The following AQP9 variants were observed in gnomAD, a reference collection of about 807,000 sequenced individuals.
AQP9 encodes aquaporin-9.
Under a neutral mutation model 23.8 loss-of-function variants are expected in AQP9, and 19 were observed. That is an observed-to-expected ratio of 0.80 (90% CI 0.56 to 1.17). The LOEUF (loss-of-function observed/expected upper bound fraction) is 1.17, where lower values mean the gene tolerates loss of function less well. Ranked by LOEUF, AQP9 falls within the 50% of genes most tolerant of loss-of-function variation. The probability of loss-of-function intolerance (pLI) is 0.00; values close to 1 mark genes in which losing one functional copy is unlikely to be tolerated. For missense variants in AQP9, 413 were observed against 362.0 expected (o/e 1.14, Z -1.14); for synonymous variants, 153 against 131.5 (o/e 1.16, Z -1.12).
chr15:58,167,736 T>G (rs912322003), intron 2 of AQP9, among the ~76,000 whole-genome samples: 1 of 152,002 alleles, frequency 6.6e-6, no homozygotes, highest in African/African-American at 2.4e-5. Flanking sequence ...TTGGTTTTGT[T>G]TTTTTTTAGG....
intron 1 of AQP9, among the ~76,000 whole-genome samples, chr15:58,161,809 A>G (rs1236636998): frequency 1.3e-5 from 2 of 152,208 alleles, no homozygotes; most frequent in African/African-American, 4.8e-5. Flanking sequence ...TTTATCAAAA[A>G]GCCATATGAT....
Position 58,185,407 on chromosome 15 carries a change from A to G in AQP9, c.*1272A>G, listed in dbSNP as rs1375831101. ...AATGTTCCTCAATCTTAAGATACAA[A>G]GACCCTCATTGTCTGGGTCTATTCC... On this transcript the variant is annotated 3_prime_UTR_variant, in exon 6 of 6. Coordinates refer to ENST00000219919, the MANE Select transcript of AQP9 (RefSeq NM_020980.5). The G allele has an allele frequency of 3.3e-5, 5 of 152,688 alleles. No individual in the cohort carries two copies. Among genetic ancestry groups the G allele is most frequent in the African/African-American group, 1.2e-4 (5 of 41,466 alleles). The allele number at this position is 152,688 out of a possible 1,614,324, so 9.5% of individuals were successfully genotyped here. A position where few individuals can be genotyped will look rare whatever the true frequency, so the allele number is the denominator to read the frequency against.
At chr15:58,167,610 A>C (rs1203761751) in intron 2 of AQP9, among the ~76,000 whole-genome samples, 1 of 152,208 alleles carries the variant, frequency 6.6e-6, no homozygotes, top group Non-Finnish European at 1.5e-5. Context: ...GGGAGTCAGT[A>C]AATAAGTGGA....
chr15:58,163,128 T>G (rs1021633703), intron 1 of AQP9, among the ~76,000 whole-genome samples: 1 of 152,120 alleles, frequency 6.6e-6, no homozygotes, highest in Non-Finnish European at 1.5e-5. Flanking sequence ...GTGAAGCTAT[T>G]GAGAGAACAT....
At position 58,179,184 on chromosome 15, in the gene AQP9, C is replaced by T. The variant is rs1319918129; in HGVS notation, c.552C>T (p.Asn184=). The stretch of plus-strand genomic sequence containing the variant: ...TCTTTGCCATCTTTGACTCCAGAAA[C>T]TTGGGAGCCCCCAGAGGCCTAGAGC... The part of the protein sequence containing the change: ...IIVFAIFDSR[N]LGAPRGLEPI... The change falls in exon 5 of 6, where the codon AAC becomes AAT. Residue 184 remains asparagine (N), a synonymous_variant. Coordinates refer to ENST00000219919, the MANE Select transcript of AQP9 (RefSeq NM_020980.5). 1.2e-6 allele frequency: 2 copies of T among 1,613,986 alleles called. No individual in the cohort carries two copies. The highest frequency in any genetic ancestry group is 2.2e-5 in the East Asian group (1 of 44,882).
intron 1 of AQP9, chr15:58,154,386 C>T (rs2140598840): frequency 6.6e-6 from 1 of 152,212 alleles, no homozygotes; most frequent in Non-Finnish European, 1.5e-5. Flanking sequence ...TAACTCTAAT[C>T]TTAATTACCT....
chr15:58,155,480 AC>A (rs1333679712), intron 1 of AQP9: 6 of 152,034 alleles, frequency 3.9e-5, no homozygotes, highest in African/African-American at 1.4e-4. Context: ...AGACAAAGCC[AC>A]CCTTACACGA....
intron 1 of AQP9, among the ~76,000 whole-genome samples, chr15:58,162,911 A>T (rs1008297782): frequency 6.6e-6 from 1 of 152,228 alleles, no homozygotes; most frequent in African/African-American, 2.4e-5. Flanking sequence ...ATTCATAATC[A>T]AAATAAATGC....
chr15:58,167,729 G>A (rs1339569406), intron 2 of AQP9, among the ~76,000 whole-genome samples: 1 of 151,014 alleles, frequency 6.6e-6, no homozygotes, highest in Admixed American at 6.6e-5. Flanking sequence ...TTTTTGTTTG[G>A]TTTTGTTTTT....
intron 5 of AQP9, among the ~76,000 whole-genome samples, chr15:58,181,522 G>T (rs185442929): frequency 1.3e-5 from 2 of 152,240 alleles, no homozygotes; most frequent in East Asian, 3.9e-4. Context: ...CAACAGAGGG[G>T]TTATCTCAGG....
At chr15:58,156,396 G>A (rs1328442115) in intron 1 of AQP9, among the ~76,000 whole-genome samples, 4 of 151,938 alleles carry the variant, frequency 2.6e-5, no homozygotes, top group Non-Finnish European at 4.4e-5. Flanking sequence ...ATATAACCAC[G>A]TATTAACAAT....
intron 2 of AQP9, among the ~76,000 whole-genome samples, chr15:58,167,164 G>C (rs1360154483): frequency 6.6e-6 from 1 of 152,146 alleles, no homozygotes; most frequent in Non-Finnish European, 1.5e-5. Flanking sequence ...CTCCAACAGA[G>C]GCAAGTCCTG....
chr15:58,156,774 G>A (rs1241705430), intron 1 of AQP9, among the ~76,000 whole-genome samples: 1 of 152,112 alleles, frequency 6.6e-6, no homozygotes, highest in Non-Finnish European at 1.5e-5. Context: ...GTTTATCATA[G>A]ACAGGGAACA....
intron 1 of AQP9, among the ~76,000 whole-genome samples, chr15:58,140,271 C>T (rs888858335): frequency 3.3e-5 from 5 of 151,632 alleles, no homozygotes; most frequent in African/African-American, 1.2e-4. Context: ...TTTCATAATC[C>T]CGTGCTTTCT....
Position 58,166,729 on chromosome 15 carries a change from G to T in AQP9, c.168G>T (p.Gly56=). 1.9e-6 allele frequency: 3 copies of T among 1,613,872 alleles called. No individual in the cohort carries two copies. The highest frequency in any genetic ancestry group is 2.5e-6 in the Non-Finnish European group (3 of 1,179,838). ...QAILSRGRFG[G]VITINVGFSM... ...TTCTCAGTCGAGGACGTTTTGGAGG[G>T]GTCATCACTATCAATGTTGGATTTT... The change falls in exon 2 of 6, where the codon GGG becomes GGT. Residue 56 remains glycine (G), a synonymous_variant. Coordinates refer to ENST00000219919, the MANE Select transcript of AQP9 (RefSeq NM_020980.5).
At chr15:58,138,756 G>C (rs12440784) in intron 1 of AQP9, 80 bp downstream of exon 1, 3 of 1,270,250 alleles carry the variant, frequency 2.4e-6, no homozygotes, top group South Asian at 1.3e-5. Context: ...AGTTTTGTTT[G>C]GTTTGTTTTA....
intron 5 of AQP9, among the ~76,000 whole-genome samples, chr15:58,179,646 C>G (rs1423260858): frequency 6.6e-6 from 1 of 152,088 alleles, no homozygotes; most frequent in African/African-American, 2.4e-5. Flanking sequence ...TTTATGTGAA[C>G]ATTTTAGCTG....
chr15:58,164,832 C>T (rs1898463534), intron 1 of AQP9, among the ~76,000 whole-genome samples: 1 of 152,070 alleles, frequency 6.6e-6, no homozygotes, highest in Admixed American at 6.6e-5. Context: ...AAGGACCTCA[C>T]AAATGAGCCC....
chr15:58,179,295 G>A lies in AQP9; in HGVS notation c.663G>A (p.Leu221=). Residue 221 remains leucine, a synonymous_variant, in exon 5 of 6, where the codon CTG becomes CTA. Coordinates refer to ENST00000219919, the MANE Select transcript of AQP9 (RefSeq NM_020980.5). ...SGCAMNPARD[L]SPRLFTALAG... is the part of the protein sequence containing the mutation. The stretch of plus-strand genomic sequence containing the variant: ...GTGCCATGAACCCAGCTCGAGACCT[G>A]AGTCCCAGACTTTTCACTGCCTTGG... 1 of 1,614,098 alleles carries A rather than the reference G, an allele frequency of 6.2e-7. No homozygotes were observed.
Sources: gnomAD v4.1 joint callset for allele counts (sites outside exome capture counted in the v4.1 genomes callset) on GRCh38, gnomAD v4.1.1 for gene constraint, MANE v1.5 for transcripts, NCBI Gene and HGNC (gene_info 2026-07-23, HGNC 2026-07-21) for gene names.